Variants in VIP observed in about 807,000 individuals in gnomAD.
VIP encodes VIP peptides.
In VIP, 18 loss-of-function variants were observed where a neutral mutation model predicts 20.1. The ratio of observed to expected loss-of-function variants is 0.90; its 90% CI spans 0.62 to 1.33. VIP has a LOEUF of 1.33. Ranked by LOEUF, VIP falls within the 40% of genes most tolerant of loss-of-function variation. The probability of loss-of-function intolerance (pLI) is 0.00; values close to 1 mark genes in which losing one functional copy is unlikely to be tolerated. For missense variants in VIP, 209 were observed against 199.4 expected (o/e 1.05, Z -0.29); for synonymous variants, 70 against 68.1 (o/e 1.03, Z -0.14).
chr6:152,757,117 C>T lies in VIP; in HGVS notation c.489C>T (p.Asp163=). The T allele has an allele frequency of 6.2e-7, 1 of 1,611,930 alleles. No individual in the cohort carries two copies. The highest frequency in any genetic ancestry group is 2.2e-5 in the East Asian group (1 of 44,776). Residue 163 remains aspartate, a synonymous_variant, in exon 6 of 7, where the codon GAC becomes GAT. Transcript: ENST00000367244. ...GCAGCAGTGAGGGAGAATCTCCCGA[C>T]TTTCCAGAAGAGTTAGAAAAATGAT... ...GKRSSEGESP[D]FPEELEK
At chr6:152,753,362 T>C (rs1004352566) in intron 2 of VIP, among the ~76,000 whole-genome samples, 1 of 152,116 alleles carries the variant, frequency 6.6e-6, no homozygotes, top group African/African-American at 2.4e-5. Context: ...CCTTGGATGT[T>C]TGCCCTAACA....
intron 5 of VIP, among the ~76,000 whole-genome samples, chr6:152,756,665 T>C (rs2099730469): frequency 6.6e-6 from 1 of 152,026 alleles, no homozygotes; most frequent in African/African-American, 2.4e-5. Flanking sequence ...TGGAACTCAC[T>C]TCGTGTGCAT....
rs1326312504 is a variant in VIP at position 152,757,124 on chromosome 6, G to A, written c.496G>A (p.Glu166Lys). The A allele has an allele frequency of 1.2e-6, 2 of 1,611,812 alleles. No homozygotes were observed. The highest frequency in any genetic ancestry group is 1.7e-6 in the Non-Finnish European group (2 of 1,178,658). ...SSEGESPDFPEELEK is the reference protein window; with the variant it reads ...SSEGESPDFPKELEK ...TGAGGGAGAATCTCCCGACTTTCCA[G>A]AAGAGTTAGAAAAATGATGAAAAAG... The change falls in exon 6 of 7, where the codon GAA (glutamate) becomes AAA (lysine). Residue 166 changes from glutamate (E) to lysine (K), a missense_variant. Glu to Lys is a moderately conservative substitution (Grantham distance 56). Coordinates refer to ENST00000367244, the MANE Select transcript of VIP (RefSeq NM_003381.4).
chr6:152,754,626 TAAAGA>T (rs1310350679), intron 3 of VIP, among the ~76,000 whole-genome samples: 1 of 151,992 alleles, frequency 6.6e-6, no homozygotes, highest in Non-Finnish European at 1.5e-5. Flanking sequence ...TGTCTCTATA[TAAAGA>T]AAAGATACCT....
At chr6:152,756,998 GAGCACAGAGAAC>G (rs1271512184) in intron 5 of VIP, 86 bp from the exon 6 acceptor site, 1 of 1,152,854 alleles carries the variant, frequency 8.7e-7, no homozygotes, top group African/African-American at 1.6e-5. Context: ...TACACTTTCA[GAGCACAGAGAAC>G]AGCACATTCA....
At chr6:152,755,437 C>T in intron 4 of VIP, 64 bp downstream of exon 4, 1 of 1,016,718 alleles carries the variant, frequency 9.8e-7, no homozygotes. Context: ...ATTGTATTTT[C>T]ACTCTTAACA....
chr6:152,755,037 T>C (rs942143229), intron 3 of VIP, among the ~76,000 whole-genome samples: 1 of 151,936 alleles, frequency 6.6e-6, no homozygotes, highest in African/African-American at 2.4e-5. Context: ...CTCCTAGAAA[T>C]GCCTGTTTCT....
intron 2 of VIP, 51 bp from the exon 3 acceptor site, chr6:152,754,115 A>T (rs141762011): frequency 0.018 from 29,147 of 1,582,634 alleles, 354 homozygotes; most frequent in Middle Eastern, 0.025. Flanking sequence ...AACCATACAC[A>T]CTGTCTTCTG....
At chr6:152,757,038 C>CT in intron 5 of VIP, 58 bp from the exon 6 acceptor site, 1 of 1,552,520 alleles carries the variant, frequency 6.4e-7, no homozygotes, top group South Asian at 1.1e-5. Context: ...ATAATAGTTT[C>CT]TTTAGACCCT....
chr6:152,754,427 A>G (rs1306380372), intron 3 of VIP, 139 bp downstream of exon 3: 4 of 758,014 alleles, frequency 5.3e-6, no homozygotes, highest in Middle Eastern at 4.0e-4. Flanking sequence ...TCATGGCTTC[A>G]TTCATCCTGA....
intron 6 of VIP, 105 bp downstream of exon 6, chr6:152,757,289 C>T (rs927730886): frequency 5.3e-5 from 37 of 698,274 alleles, no homozygotes; most frequent in Middle Eastern, 2.6e-4. Flanking sequence ...AATAGTTTCT[C>T]ATCATGAGAC....
chr6:152,756,871 A>G (rs182418620), intron 5 of VIP, among the ~76,000 whole-genome samples: 2 of 152,020 alleles, frequency 1.3e-5, no homozygotes, highest in Admixed American at 1.3e-4. Flanking sequence ...TGATCAGACA[A>G]GATGACCTCT....
intron 1 of VIP, among the ~76,000 whole-genome samples, chr6:152,751,943 G>A (rs1274883526): frequency 1.3e-5 from 2 of 152,120 alleles, no homozygotes; most frequent in African/African-American, 2.4e-5. Context: ...CCAACCATGT[G>A]CCCAGACAGC....
chr6:152,753,719 T>C (rs758803563), intron 2 of VIP, among the ~76,000 whole-genome samples: 29 of 152,090 alleles, frequency 1.9e-4, no homozygotes, highest in Non-Finnish European at 4.0e-4. Flanking sequence ...TCAGAGATGT[T>C]TGGAACAGGT....
chr6:152,755,695 C>A (rs2099730325), intron 4 of VIP, among the ~76,000 whole-genome samples: 1 of 151,730 alleles, frequency 6.6e-6, no homozygotes, highest in Non-Finnish European at 1.5e-5. Context: ...ATTTTAAGGT[C>A]AAACAGAATA....
rs547695319 is a variant in VIP at position 152,752,007 on chromosome 6, G to A, written c.-10-161G>A. Among the ~76,000 whole-genome samples the A allele has an allele frequency of 4.6e-5, 7 of 152,266 alleles. No individual in the cohort carries two copies. In the East Asian group the frequency reaches 5.8e-4, roughly 13 times the overall value. ...AGCACCTGTCACTGAGAGAAATACT[G>A]ATTTTTGAATGTATCATCTTGCAAT... On this transcript the variant is annotated intron_variant, in intron 1 of 6. Coordinates refer to ENST00000367244, the MANE Select transcript of VIP (RefSeq NM_003381.4).
intron 2 of VIP, 148 bp from the exon 3 acceptor site, chr6:152,754,018 A>G: frequency 2.5e-6 from 2 of 804,562 alleles, no homozygotes; most frequent in Non-Finnish European, 3.7e-6. Context: ...TAACTATATG[A>G]GCCATTAAGT....
intron 3 of VIP, among the ~76,000 whole-genome samples, chr6:152,754,660 T>C (rs931976195): frequency 3.3e-5 from 5 of 152,014 alleles, no homozygotes; most frequent in Admixed American, 6.6e-5. Context: ...TGTTCATTCA[T>C]AGAGCTGTTT....
At chr6:152,757,224 G>T in intron 6 of VIP, 40 bp downstream of exon 6, 1 of 1,354,038 alleles carries the variant, frequency 7.4e-7, no homozygotes. Context: ...TCTTATGGCT[G>T]TCTCTGATTA....
Sources: allele counts gnomAD v4.1 joint callset (sites outside exome capture counted in the v4.1 genomes callset), GRCh38; gene constraint gnomAD v4.1.1; transcripts MANE v1.5; gene names NCBI Gene and HGNC (gene_info 2026-07-23, HGNC 2026-07-21).